TTC28: variants seen among roughly 807,000 people sequenced by gnomAD.
TTC28 encodes the protein tetratricopeptide repeat domain 28.
Under a neutral mutation model 198.0 loss-of-function variants are expected in TTC28, and 61 were observed. That is an observed-to-expected ratio of 0.31 (90% confidence interval 0.25 to 0.38). The LOEUF (loss-of-function observed/expected upper bound fraction) is 0.38. Among genes scored for constraint, TTC28 ranks in the 10% least tolerant of loss-of-function variants. TTC28 has a pLI of 1.00. For missense variants in TTC28, 2,678 were observed against 3,164.0 expected (o/e 0.85, Z 3.69); for synonymous variants, 1,171 against 1,297.8 (o/e 0.90, Z 2.10).
chr22:28,055,523 T>C (rs1027591628), intron 12 of TTC28, among the ~76,000 whole-genome samples: 3 of 152,172 alleles, frequency 2.0e-5, no homozygotes, highest in Non-Finnish European at 2.9e-5. Context: ...AGAAGAAAAA[T>C]AGACCTCCGC....
At chr22:28,203,900 T>C (rs1358124314) in intron 5 of TTC28, among the ~76,000 whole-genome samples, 1 of 152,178 alleles carries the variant, frequency 6.6e-6, no homozygotes, top group Non-Finnish European at 1.5e-5. Context: ...CCAAAGGTCA[T>C]TTGATTATGT....
At chr22:28,298,627 T>A (rs553327090) in intron 3 of TTC28, among the ~76,000 whole-genome samples, 3 of 152,188 alleles carry the variant, frequency 2.0e-5, no homozygotes, top group East Asian at 3.9e-4. Flanking sequence ...TTTCAAAAAA[T>A]TTTTGTAGAG....
chr22:28,468,001 G>A (rs1400888497), intron 2 of TTC28, among the ~76,000 whole-genome samples: 1 of 151,950 alleles, frequency 6.6e-6, no homozygotes, highest in East Asian at 1.9e-4. Context: ...AAACTCCTGG[G>A]CTCAAGCGAT....
At chr22:28,579,520 G>A (rs1396780132) in intron 2 of TTC28, among the ~76,000 whole-genome samples, 1 of 147,446 alleles carries the variant, frequency 6.8e-6, no homozygotes, top group African/African-American at 2.5e-5. Context: ...TATATGTATA[G>A]TTATATATAA....
intron 5 of TTC28, among the ~76,000 whole-genome samples, chr22:28,222,657 C>T (rs559103374): frequency 2.6e-5 from 4 of 152,086 alleles, no homozygotes; most frequent in Non-Finnish European, 4.4e-5. Context: ...TCCTATTGGG[C>T]GAGGGAGAAA....
At chr22:28,518,981 C>G (rs1182432279) in intron 2 of TTC28, among the ~76,000 whole-genome samples, 1 of 152,150 alleles carries the variant, frequency 6.6e-6, no homozygotes, top group Non-Finnish European at 1.5e-5. Context: ...CTTAATTTTT[C>G]TGGACCTCAA....
chr22:28,603,650 T>C (rs1231303734), intron 2 of TTC28, among the ~76,000 whole-genome samples: 3 of 152,136 alleles, frequency 2.0e-5, no homozygotes, highest in African/African-American at 7.2e-5. Context: ...CTGCCTCGGC[T>C]TTCCAAAACA....
Position 27,993,533 on chromosome 22 carries a change from G to C in TTC28, c.5245-15C>G, listed in dbSNP as rs540127342. On this transcript the variant is annotated splice_polypyrimidine_tract_variant and intron_variant, in intron 17 of 22. Coordinates refer to ENST00000397906, the MANE Select transcript of TTC28 (RefSeq NM_001145418.2). ...GATTTCTCCACCTGAGGGGGAATTGGGGGTGAGTCAGAGACCCAGGCCAGC... is the reference window on the plus strand; with the variant it reads ...GATTTCTCCACCTGAGGGGGAATTGCGGGTGAGTCAGAGACCCAGGCCAGC... 118 of 1,532,536 alleles carry C rather than the reference G, an allele frequency of 7.7e-5. 1 individual carries two copies. The South Asian group carries it at 1.2e-3, about 16-fold the overall frequency. 94.9% of individuals were successfully genotyped at this position (1,532,536 alleles called of 1,614,324 possible).
chr22:28,627,666 A>C (rs1278412824), intron 2 of TTC28, among the ~76,000 whole-genome samples: 1 of 152,096 alleles, frequency 6.6e-6, no homozygotes, highest in Admixed American at 6.6e-5. Context: ...TCCTGACCTC[A>C]GGTGATCCGC....
At chr22:28,635,530 C>T (rs1230989565) in intron 1 of TTC28, among the ~76,000 whole-genome samples, 4 of 152,080 alleles carry the variant, frequency 2.6e-5, no homozygotes, top group Non-Finnish European at 4.4e-5. Flanking sequence ...TTCCTCTGAT[C>T]CTCTGACAAA....
chr22:28,270,274 A>G (rs1349589513), intron 5 of TTC28, among the ~76,000 whole-genome samples: 1 of 152,252 alleles, frequency 6.6e-6, no homozygotes, highest in Non-Finnish European at 1.5e-5. Flanking sequence ...TTGAATCCTA[A>G]AACTGTATTT....
intron 2 of TTC28, among the ~76,000 whole-genome samples, chr22:28,431,661 C>A (rs1256923805): frequency 2.0e-5 from 3 of 152,144 alleles, no homozygotes; most frequent in African/African-American, 7.2e-5. Context: ...ATATTTTCAT[C>A]TTGTTTCAAT....
At chr22:28,030,665 T>C (rs941438177) in intron 12 of TTC28, among the ~76,000 whole-genome samples, 2 of 152,228 alleles carry the variant, frequency 1.3e-5, no homozygotes, top group African/African-American at 4.8e-5. Flanking sequence ...TCCCAGCACC[T>C]AGCTTATGTA....
intron 1 of TTC28, among the ~76,000 whole-genome samples, chr22:28,634,250 G>A (rs868726711): frequency 6.6e-6 from 1 of 152,216 alleles, no homozygotes; most frequent in South Asian, 2.1e-4. Context: ...GGTGGCTCAC[G>A]CCTGTAATCC....
At chr22:28,071,842 A>T (rs975910435) in intron 12 of TTC28, among the ~76,000 whole-genome samples, 1 of 152,110 alleles carries the variant, frequency 6.6e-6, no homozygotes, top group South Asian at 2.1e-4. Flanking sequence ...CCTTAAATCA[A>T]TTCTGTCTCT....
intron 12 of TTC28, among the ~76,000 whole-genome samples, chr22:28,047,717 C>A (rs1203761655): frequency 6.6e-6 from 1 of 152,188 alleles, no homozygotes; most frequent in Non-Finnish European, 1.5e-5. Flanking sequence ...CCAAAGCAGG[C>A]CCAGGTGAGT....
At chr22:28,373,770 G>C (rs547412000) in intron 2 of TTC28, among the ~76,000 whole-genome samples, 9 of 152,218 alleles carry the variant, frequency 5.9e-5, no homozygotes, top group Admixed American at 3.9e-4. Flanking sequence ...CTGCCCCAAA[G>C]AAAGTTCTCT....
intron 21 of TTC28, among the ~76,000 whole-genome samples, chr22:27,987,351 G>A (rs991165315): frequency 1.2e-4 from 19 of 152,202 alleles, no homozygotes; most frequent in African/African-American, 4.6e-4. Context: ...CAAAAGCAGG[G>A]AGTGTGCAGG....
chr22:28,146,721 T>C (rs183127047), intron 6 of TTC28, among the ~76,000 whole-genome samples: 5 of 152,350 alleles, frequency 3.3e-5, no homozygotes, highest in East Asian at 1.9e-4. Context: ...AACCTTCCAT[T>C]TGAATCAGGG....
Sources: allele counts gnomAD v4.1 joint callset (sites outside exome capture counted in the v4.1 genomes callset), GRCh38; gene constraint gnomAD v4.1.1; transcripts MANE v1.5; gene names NCBI Gene and HGNC (gene_info 2026-07-23, HGNC 2026-07-21).